FGF2: variants seen among roughly 807,000 people sequenced by gnomAD.
The protein encoded by FGF2 is fibroblast growth factor 2, also known as basic fibroblast growth factor bFGF.
Under a neutral mutation model 15.9 loss-of-function variants are expected in FGF2, and 13 were observed. The ratio of observed to expected loss-of-function variants is 0.82; its 90% CI spans 0.53 to 1.30. The LOEUF (loss-of-function observed/expected upper bound fraction) is 1.30, where lower values mean the gene tolerates loss of function less well. Ranked by LOEUF, FGF2 falls within the 50% of genes most tolerant of loss-of-function variation. The pLI, the probability that FGF2 is intolerant of heterozygous loss-of-function variation, is 0.00. For synonymous variants in FGF2, 90 were observed against 78.4 expected, an observed-to-expected ratio of 1.15 and a Z score of -0.78; for missense variants, 163 against 196.9, an observed-to-expected ratio of 0.83 and a Z score of 1.03.
At chr4:122,857,165 C>G (rs1726358452) in intron 1 of FGF2, among the ~76,000 whole-genome samples, 2 of 152,192 alleles carry the variant, frequency 1.3e-5, no homozygotes, top group South Asian at 2.1e-4. Context: ...ACCTGAATTA[C>G]AATACCTCCA....
intron 1 of FGF2, among the ~76,000 whole-genome samples, chr4:122,858,291 C>T (rs182251400): frequency 6.6e-6 from 1 of 152,084 alleles, no homozygotes; most frequent in African/African-American, 2.4e-5. Context: ...ATATTTGTAT[C>T]TGATCTTTGT....
chr4:122,873,826 T>A (rs1560752993), intron 1 of FGF2, among the ~76,000 whole-genome samples: 1 of 150,350 alleles, frequency 6.7e-6, no homozygotes, highest in Admixed American at 6.6e-5. Context: ...AAAAATTATA[T>A]GCCAATGGAA....
intron 1 of FGF2, among the ~76,000 whole-genome samples, chr4:122,836,118 ATAGT>A (rs1482333886): frequency 2.6e-5 from 4 of 152,184 alleles, no homozygotes; most frequent in Admixed American, 6.5e-5. Context: ...GCTTTCTGTA[ATAGT>A]TAGTGGTTTA....
chr4:122,854,896 G>T (rs774635712), intron 1 of FGF2, among the ~76,000 whole-genome samples: 1 of 152,118 alleles, frequency 6.6e-6, no homozygotes, highest in Non-Finnish European at 1.5e-5. Context: ...ATGACTGTGT[G>T]GGAGAGTGTA....
chr4:122,877,875 A>T lies in FGF2; in HGVS notation c.282+1451A>T, dbSNP rs562749387. Among the ~76,000 whole-genome samples, 190 of 152,356 alleles carry T rather than the reference A, an allele frequency of 1.2e-3. 1 individual carries two copies. Among genetic ancestry groups the T allele is most frequent in the African/African-American group, 4.4e-3 (183 of 41,590 alleles). ...GGTATCTAAACTATCCCAATTTCAGACTGACTGTATGACAAAGATATACTT... is the reference window on the plus strand; with the variant it reads ...GGTATCTAAACTATCCCAATTTCAGTCTGACTGTATGACAAAGATATACTT... On this transcript the variant is annotated intron_variant, in intron 2 of 2. Coordinates refer to ENST00000644866, the MANE Select transcript of FGF2 (RefSeq NM_001361665.2).
At position 122,868,543 on chromosome 4, in the gene FGF2, C is replaced by T. The variant is rs184480273; in HGVS notation, c.179-7778C>T. On this transcript the variant is annotated intron_variant, in intron 1 of 2. Transcript: ENST00000644866. ...CATTGATGGGCATTTGGGTTGGTTC[C>T]ATGTCTTTGCTATTGTGAATAGTGC... 2.8e-3 allele frequency among the ~76,000 whole-genome samples: 433 copies of T among 152,184 alleles called. 3 individuals are homozygous for T. The highest frequency in any genetic ancestry group is 1.0e-2 in the African/African-American group (414 of 41,514).
chr4:122,877,587 T>C (rs1298254951), intron 2 of FGF2, among the ~76,000 whole-genome samples: 1 of 152,180 alleles, frequency 6.6e-6, no homozygotes, highest in Non-Finnish European at 1.5e-5. Flanking sequence ...GGAAAATAAA[T>C]ATAAAAGACA....
chr4:122,881,611 C>G (rs996644284), intron 2 of FGF2, among the ~76,000 whole-genome samples: 4 of 152,176 alleles, frequency 2.6e-5, no homozygotes, highest in Non-Finnish European at 5.9e-5. Context: ...TTTGAGACCT[C>G]CTCAGCCTGG....
intron 1 of FGF2, among the ~76,000 whole-genome samples, chr4:122,835,156 G>A (rs1481680352): frequency 6.6e-6 from 1 of 152,142 alleles, no homozygotes; most frequent in Non-Finnish European, 1.5e-5. Flanking sequence ...CCTATCCCAT[G>A]AGCTGTGGAT....
At chr4:122,887,814 A>G (rs1481232626) in intron 2 of FGF2, among the ~76,000 whole-genome samples, 1 of 152,162 alleles carries the variant, frequency 6.6e-6, no homozygotes, top group African/African-American at 2.4e-5. Context: ...TTATATCACT[A>G]TCATATGTAT....
intron 1 of FGF2, among the ~76,000 whole-genome samples, chr4:122,843,638 A>G (rs1398182370): frequency 1.3e-5 from 2 of 152,188 alleles, no homozygotes; most frequent in Non-Finnish European, 2.9e-5. Flanking sequence ...ATGTATGGAC[A>G]TATCTTCAAA....
chr4:122,889,517 T>C (rs1483814984), intron 2 of FGF2, among the ~76,000 whole-genome samples: 2 of 152,282 alleles, frequency 1.3e-5, no homozygotes, highest in Non-Finnish European at 2.9e-5. Context: ...ATGGAGACAA[T>C]TGAAAATTGT....
At position 122,870,198 on chromosome 4, in the gene FGF2, G is replaced by A. The variant is rs180687215; in HGVS notation, c.179-6123G>A. Reference sequence around the variant, plus strand: ...GGGATGAAGTCGACTTGATCGCAGCGGATAAGTTTTTTCATGTGTTGCTGA... The same window carrying A: ...GGGATGAAGTCGACTTGATCGCAGCAGATAAGTTTTTTCATGTGTTGCTGA... On this transcript the variant is annotated intron_variant, in intron 1 of 2. Transcript: ENST00000644866. Among the ~76,000 whole-genome samples the A allele has an allele frequency of 6.6e-4, 101 of 152,264 alleles. 2 individuals are homozygous for A. The East Asian group carries it at 7.1e-3, about 11-fold the overall frequency.
In FGF2 at chr4:122,897,752, C is replaced by T. The variant is rs1245783407; in HGVS notation, c.*5356C>T. The T allele has an allele frequency of 1.9e-6, 2 of 1,032,706 alleles. No homozygotes were observed. Among genetic ancestry groups the T allele is most frequent in the Non-Finnish European group, 3.0e-6 (2 of 658,138 alleles). 64.0% of individuals were successfully genotyped at this position (1,032,706 alleles called of 1,614,324 possible). A position where few individuals can be genotyped will look rare whatever the true frequency, so the allele number is the denominator to read the frequency against. ...ACACATATGTAGATTTCACAAAATC[C>T]ACCTATAATTGGTCAAAGTGGTTGA... On this transcript the variant is annotated 3_prime_UTR_variant, in exon 3 of 3. Transcript: ENST00000644866.
intron 1 of FGF2, among the ~76,000 whole-genome samples, chr4:122,857,659 G>A (rs1206018111): frequency 5.3e-5 from 8 of 152,182 alleles, no homozygotes; most frequent in Non-Finnish European, 1.0e-4. Flanking sequence ...AGAACATGAG[G>A]TAATAAAGCC....
chr4:122,866,240 C>A (rs974384883), intron 1 of FGF2, among the ~76,000 whole-genome samples: 4 of 151,992 alleles, frequency 2.6e-5, no homozygotes, highest in African/African-American at 4.8e-5. Context: ...TGGTGGCGGG[C>A]GCCTGTAGTC....
intron 2 of FGF2, among the ~76,000 whole-genome samples, chr4:122,880,425 T>G (rs1181226444): frequency 2.0e-5 from 3 of 151,992 alleles, no homozygotes; most frequent in African/African-American, 7.2e-5. Flanking sequence ...TTTTTGCATT[T>G]TTTTAGTAGA....
chr4:122,868,646 T>C (rs1309659393), intron 1 of FGF2, among the ~76,000 whole-genome samples: 1 of 152,174 alleles, frequency 6.6e-6, no homozygotes, highest in African/African-American at 2.4e-5. Flanking sequence ...AGTAATGAGA[T>C]TGCTGGGTCA....
chr4:122,897,372 A>T lies in FGF2; in HGVS notation c.*4976A>T, dbSNP rs1727394231. The T allele has an allele frequency of 2.1e-6, 1 of 466,218 alleles. No homozygotes were observed. The highest frequency in any genetic ancestry group is 2.0e-5 in the African/African-American group (1 of 50,378). The allele number at this position is 466,218 out of a possible 1,614,324, so 28.9% of individuals were successfully genotyped here. On this transcript the variant is annotated 3_prime_UTR_variant, in exon 3 of 3. Coordinates refer to ENST00000644866, the MANE Select transcript of FGF2 (RefSeq NM_001361665.2). ...AAGCTTCTCATTTTCAGACAGATTAATCCAGAAGCAGTCATAAACAGAAGA... is the reference window on the plus strand; with the variant it reads ...AAGCTTCTCATTTTCAGACAGATTATTCCAGAAGCAGTCATAAACAGAAGA...
Sources: gnomAD v4.1 joint callset for allele counts (sites outside exome capture counted in the v4.1 genomes callset) on GRCh38, gnomAD v4.1.1 for gene constraint, MANE v1.5 for transcripts, NCBI Gene and HGNC (gene_info 2026-07-23, HGNC 2026-07-21) for gene names.